IGSF9B: variants seen among roughly 807,000 people sequenced by gnomAD.
IGSF9B encodes the protein protein turtle homolog B.
In IGSF9B, 48 loss-of-function variants were observed where a neutral mutation model predicts 143.7. That is an observed-to-expected ratio of 0.33 (90% CI 0.26 to 0.42). The LOEUF is 0.42. Among genes scored for constraint, IGSF9B ranks in the 20% least tolerant of loss-of-function variants. The probability of loss-of-function intolerance (pLI) is 1.00; values close to 1 mark genes in which losing one functional copy is unlikely to be tolerated. For missense variants in IGSF9B, 1,706 were observed against 1,980.0 expected, an observed-to-expected ratio of 0.86 and a Z score of 2.63; for synonymous variants, 903 against 833.1, an observed-to-expected ratio of 1.08 and a Z score of -1.44.
rs544362024 is a variant in IGSF9B at position 133,915,374 on chromosome 11, T to A, written c.3984-3367A>T. On this transcript the variant is annotated intron_variant, in intron 18 of 19. Coordinates refer to ENST00000533871, the MANE Select transcript of IGSF9B (RefSeq NM_001277285.4). ...GCCTCGACCTCCCCAGCTCAGATGA[T>A]CTTCCCACCTCAGCCCCCCAAGGAG... is the stretch of plus-strand genomic sequence containing the variant. Among the ~76,000 whole-genome samples, 75 of 147,776 alleles carry A rather than the reference T, an allele frequency of 5.1e-4. No homozygotes were observed. The South Asian group carries it at 0.016, about 32-fold the overall frequency.
intron 7 of IGSF9B, among the ~76,000 whole-genome samples, chr11:133,933,860 A>G (rs1939776002): frequency 6.6e-6 from 1 of 152,196 alleles, no homozygotes; most frequent in African/African-American, 2.4e-5. Flanking sequence ...AGAACTAGGA[A>G]GGCAGTGAGG....
rs770038853 is a variant in IGSF9B at position 133,920,031 on chromosome 11, C to A, written c.3694G>T (p.Ala1232Ser). The change falls in exon 18 of 20, where the codon GCA becomes TCA. Residue 1232 changes from alanine to serine, a missense_variant. Physicochemically the swap from Ala to Ser is moderately conservative, Grantham distance 99 (BLOSUM62 1). Transcript: ENST00000533871. ...TGCAGGGTGATCTCTGACATCTCTG[C>A]CTGCTGCAGGAGGCCCGGGCGAGGC... Reference protein sequence around the residue: ...ARPRPGLLQQAEMSEITLQPP... With the variant: ...ARPRPGLLQQSEMSEITLQPP... 5.9e-5 allele frequency: 94 copies of A among 1,579,842 alleles called. No individual in the cohort carries two copies. The South Asian group carries it at 1.0e-3, about 17-fold the overall frequency.
rs1485536754 is a variant in IGSF9B, at chr11:133,928,497, C to G, written c.1631+1174G>C. Among the ~76,000 whole-genome samples, 3 of 152,320 alleles carry G rather than the reference C, an allele frequency of 2.0e-5. No homozygotes were observed. In the East Asian group the frequency reaches 5.8e-4, roughly 29 times the overall value. ...GGATAAAGGGGTCTCCCTGAACCCC[C>G]TGAGCTGCCCCAGGTGCCTGCCTTT... On this transcript the variant is annotated intron_variant, in intron 12 of 19. Transcript: ENST00000533871. The surrounding 1 kb of genome is among the most constrained non-coding windows in gnomAD (Gnocchi z 4.7).
At chr11:133,933,569 G>C (rs1939771719) in intron 7 of IGSF9B, among the ~76,000 whole-genome samples, 1 of 152,180 alleles carries the variant, frequency 6.6e-6, no homozygotes, top group Non-Finnish European at 1.5e-5. Flanking sequence ...AATTTAGCGA[G>C]ACTCCAACTC....
At chr11:133,916,343 G>A (rs939097648) in intron 18 of IGSF9B, among the ~76,000 whole-genome samples, 9 of 152,316 alleles carry the variant, frequency 5.9e-5, no homozygotes, top group Admixed American at 2.0e-4. Context: ...AGGAACTGAA[G>A]GGAAAAGAAA....
At position 133,921,416 on chromosome 11, in the gene IGSF9B, G is replaced by T; in HGVS notation, c.2328-19C>A. The stretch of plus-strand genomic sequence containing the variant: ...GGACAAGCTGCAAGGAGGAGCAAGA[G>T]CCGGGAGGGGATGAGGTGGGGCAGT... On this transcript the variant is annotated intron_variant, in intron 17 of 19. Transcript: ENST00000533871. The T allele has an allele frequency of 6.8e-7, 1 of 1,470,640 alleles. No individual in the cohort carries two copies. Among genetic ancestry groups the T allele is most frequent in the Non-Finnish European group, 9.0e-7 (1 of 1,112,776 alleles). 91.1% of individuals were successfully genotyped at this position (1,470,640 alleles called of 1,614,324 possible). A position where few individuals can be genotyped will look rare whatever the true frequency, so the allele number is the denominator to read the frequency against.
intron 13 of IGSF9B, among the ~76,000 whole-genome samples, chr11:133,926,568 C>T (rs1406819166): frequency 6.6e-6 from 1 of 152,252 alleles, no homozygotes; most frequent in Non-Finnish European, 1.5e-5. Flanking sequence ...ATGCCTACCG[C>T]CCAGTGACGC....
chr11:133,937,720 C>A, intron 4 of IGSF9B, 90 bp downstream of exon 4: 2 of 1,440,956 alleles, frequency 1.4e-6, no homozygotes, highest in African/African-American at 2.8e-5. Flanking sequence ...GTGCTTGTGC[C>A]TGTAGCATCA....
rs572181394 is a variant in IGSF9B, at chr11:133,917,003, G to A, written c.3983+2739C>T. 7.2e-4 allele frequency among the ~76,000 whole-genome samples: 109 copies of A among 152,302 alleles called. 1 individual carries two copies. Among genetic ancestry groups the A allele is most frequent in the African/African-American group, 2.6e-3 (106 of 41,552 alleles). On this transcript the variant is annotated intron_variant, in intron 18 of 19. Transcript: ENST00000533871. Reference sequence around the variant, plus strand: ...GCTGACAATTTTATAGCTACAGATGGTAAAGAAATGTCAGGGCAGTCCTCT... The same window carrying A: ...GCTGACAATTTTATAGCTACAGATGATAAAGAAATGTCAGGGCAGTCCTCT...
At chr11:133,937,734 G>A (rs1457670593) in intron 4 of IGSF9B, 76 bp downstream of exon 4, 8 of 1,493,658 alleles carry the variant, frequency 5.4e-6, no homozygotes, top group Non-Finnish European at 7.3e-6. Flanking sequence ...AGCATCAGGG[G>A]TCGGCTGCAG....
At chr11:133,942,789 C>T (rs919724430) in intron 3 of IGSF9B, among the ~76,000 whole-genome samples, 1 of 152,210 alleles carries the variant, frequency 6.6e-6, no homozygotes, top group Non-Finnish European at 1.5e-5. Flanking sequence ...GACTCAAAAG[C>T]TTACCAGGTG....
At chr11:133,932,047 C>T (rs770921344) in intron 8 of IGSF9B, 24 bp downstream of exon 8, 9 of 1,597,862 alleles carry the variant, frequency 5.6e-6, no homozygotes, top group South Asian at 5.6e-5. Context: ...TCACTCCAAC[C>T]CTCAACATGC....
In IGSF9B at chr11:133,920,786, G is replaced by A. The variant is rs766581832; in HGVS notation, c.2939C>T (p.Pro980Leu). 8.1e-6 allele frequency: 13 copies of A among 1,609,928 alleles called. No individual in the cohort carries two copies. The highest frequency in any genetic ancestry group is 9.3e-6 in the Non-Finnish European group (11 of 1,178,288). ...LSSSSPGEVE[P>L]PPFYVPEVGS... ...CACTTCTGGCACGTAGAACGGGGGC[G>A]GCTCCACCTCCCCAGGGCTGCTGCT... Residue 980 changes from proline to leucine, a missense_variant, in exon 18 of 20, where the codon CCG (proline) becomes CTG (leucine). Pro to Leu is a moderately conservative substitution (Grantham distance 98). This residue lies in a region of IGSF9B where 880 missense variants were observed against 762.9 expected (regional missense o/e 1.15). Transcript: ENST00000533871.
rs199950071 is a variant in IGSF9B, at chr11:133,902,570, A to C, written c.*6499T>G. On this transcript the variant is annotated 3_prime_UTR_variant, in exon 20 of 20. Transcript: ENST00000533871. ...CACACCACATACACACACACACCCCACACACACACACACACACCCCACTTA... is the reference window on the plus strand; with the variant it reads ...CACACCACATACACACACACACCCCCCACACACACACACACACCCCACTTA... Among the ~76,000 whole-genome samples, 12 of 37,346 alleles carry C rather than the reference A, an allele frequency of 3.2e-4. No individual in the cohort carries two copies. The South Asian group carries it at 3.4e-3, about 10-fold the overall frequency. 24.5% of individuals were successfully genotyped at this position (37,346 alleles called of 152,430 possible).
chr11:133,930,539 C>A (rs963712072), intron 11 of IGSF9B, among the ~76,000 whole-genome samples: 1 of 152,194 alleles, frequency 6.6e-6, no homozygotes, highest in Admixed American at 6.5e-5. Context: ...AACGCCCAGA[C>A]ACAGAACCCC....
Position 133,920,524 on chromosome 11 carries a change from G to C in IGSF9B, c.3201C>G (p.Pro1067=), listed in dbSNP as rs777801860. The C allele has an allele frequency of 1.2e-6, 2 of 1,607,096 alleles. No homozygotes were observed. The highest frequency in any genetic ancestry group is 1.7e-6 in the Non-Finnish European group (2 of 1,176,814). Reference sequence around the variant, plus strand: ...GGCCGGCCTTGGGCTGCAGACTCTCGGGCACATCACAGGGTGGCAGCTGGT... The same window carrying C: ...GGCCGGCCTTGGGCTGCAGACTCTCCGGCACATCACAGGGTGGCAGCTGGT... ...FPHQLPPCDV[P]ESLQPKAGLP... is the part of the protein sequence containing the mutation. The change falls in exon 18 of 20, where the codon CCC becomes CCG. Residue 1067 remains proline (P), a synonymous_variant. Coordinates refer to ENST00000533871, the MANE Select transcript of IGSF9B (RefSeq NM_001277285.4).
intron 18 of IGSF9B, among the ~76,000 whole-genome samples, chr11:133,918,566 A>C (rs1432436586): frequency 6.6e-6 from 1 of 151,872 alleles, no homozygotes; most frequent in African/African-American, 2.4e-5. Flanking sequence ...CTGCGCCCTA[A>C]GCCCCGCACC....
At chr11:133,943,789 G>A (rs1159851783) in intron 3 of IGSF9B, among the ~76,000 whole-genome samples, 4 of 152,184 alleles carry the variant, frequency 2.6e-5, no homozygotes, top group Non-Finnish European at 5.9e-5. Flanking sequence ...TACAGTTAAA[G>A]AGAACCAAAA....
Position 133,931,892 on chromosome 11 carries a change from G to C in IGSF9B, c.1111-97C>G. 6.5e-7 allele frequency: 1 copy of C among 1,539,466 alleles called. No individual in the cohort carries two copies. The highest frequency in any genetic ancestry group is 8.8e-7 in the Non-Finnish European group (1 of 1,142,130). On this transcript the variant is annotated intron_variant, in intron 8 of 19. Transcript: ENST00000533871. The surrounding 1 kb of genome is among the most constrained non-coding windows in gnomAD (Gnocchi z 7.7). ...GCTGGGCCAGGCAGCACGCAGGATAGTACAGGAGCTCCAGCCCGGGGCGGG... is the reference window on the plus strand; with the variant it reads ...GCTGGGCCAGGCAGCACGCAGGATACTACAGGAGCTCCAGCCCGGGGCGGG...
Sources: gnomAD v4.1 joint callset for allele counts (sites outside exome capture counted in the v4.1 genomes callset) on GRCh38, gnomAD v4.1.1 for gene constraint, gnomAD v4.1.1 regional missense constraint, Gnocchi (gnomAD v3.1) non-coding constraint, MANE v1.5 for transcripts, NCBI Gene and HGNC (gene_info 2026-07-23, HGNC 2026-07-21) for gene names.